The following SGCZ variants were observed in gnomAD, a reference collection of about 807,000 sequenced individuals.
SGCZ encodes sarcoglycan zeta, also known as zeta-sarcoglycan.
A neutral mutation model predicts 41.3 loss-of-function variants in SGCZ; 40 were observed. That is an observed-to-expected ratio of 0.97 (90% confidence interval 0.75 to 1.26). The LOEUF is 1.26. Among genes scored for constraint, SGCZ ranks in the 50% most tolerant of loss-of-function variants. The pLI is 0.00. For synonymous variants in SGCZ, 206 were observed against 137.5 expected, an observed-to-expected ratio of 1.50 and a Z score of -3.49; for missense variants, 552 against 369.8, an observed-to-expected ratio of 1.49 and a Z score of -4.04.
At chr8:14,494,413 T>A (rs573789259) in intron 2 of SGCZ, among the ~76,000 whole-genome samples, 3 of 152,274 alleles carry the variant, frequency 2.0e-5, no homozygotes, top group African/African-American at 7.2e-5. Flanking sequence ...CCAAAAGTTT[T>A]ATGATGAGAG....
At chr8:14,992,019 C>T (rs1384214992) in intron 1 of SGCZ, among the ~76,000 whole-genome samples, 2 of 151,108 alleles carry the variant, frequency 1.3e-5, no homozygotes, top group Non-Finnish European at 2.9e-5. Flanking sequence ...CCATCCTCCT[C>T]ATTCAATCTA....
chr8:14,557,066 C>T (rs756749419), intron 1 of SGCZ, among the ~76,000 whole-genome samples: 1 of 151,430 alleles, frequency 6.6e-6, no homozygotes, highest in Non-Finnish European at 1.5e-5. Context: ...TAGAAGTATT[C>T]CTTTTTCACT....
rs902453594 is a variant in SGCZ, at chr8:15,042,283, G to T, written c.39+195302C>A. On this transcript the variant is annotated intron_variant, in intron 1 of 7. Coordinates refer to ENST00000382080, the MANE Select transcript of SGCZ (RefSeq NM_139167.4). ...GAAAGCTAATGCCTAGCTGACGGCA[G>T]TTCCCTTTTGTGCTGATGCCTCTCT... 5.3e-5 allele frequency among the ~76,000 whole-genome samples: 8 copies of T among 152,120 alleles called. No homozygotes were observed. The South Asian group carries it at 1.0e-3, about 20-fold the overall frequency.
intron 1 of SGCZ, among the ~76,000 whole-genome samples, chr8:14,676,059 G>A (rs141197036): frequency 1.4e-4 from 22 of 152,318 alleles, no homozygotes; most frequent in African/African-American, 2.4e-4. Context: ...AAAACTAGCA[G>A]AGGAATGAAG....
intron 1 of SGCZ, among the ~76,000 whole-genome samples, chr8:14,686,504 G>C (rs1289913501): frequency 1.3e-5 from 2 of 152,004 alleles, no homozygotes; most frequent in Non-Finnish European, 2.9e-5. Context: ...AGTTGGAATT[G>C]ATAAATTGGT....
intron 2 of SGCZ, among the ~76,000 whole-genome samples, chr8:14,327,643 T>A (rs1239269246): frequency 6.6e-6 from 1 of 152,228 alleles, no homozygotes; most frequent in East Asian, 1.9e-4. Context: ...GCTATGTGCA[T>A]CTTTGATTTT....
At chr8:14,553,464 C>T (rs2117187773) in intron 2 of SGCZ, among the ~76,000 whole-genome samples, 1 of 152,052 alleles carries the variant, frequency 6.6e-6, no homozygotes, top group East Asian at 1.9e-4. Flanking sequence ...CTTTTCTTTG[C>T]CTTCAGTTTC....
chr8:14,576,626 T>G (rs966433356), intron 1 of SGCZ, among the ~76,000 whole-genome samples: 3 of 152,212 alleles, frequency 2.0e-5, no homozygotes, highest in African/African-American at 7.2e-5. Flanking sequence ...CTGGAGACAT[T>G]TGCTCAAAGC....
At chr8:14,182,678 AG>A (rs1380442207) in intron 4 of SGCZ, among the ~76,000 whole-genome samples, 2 of 152,214 alleles carry the variant, frequency 1.3e-5, no homozygotes, top group Admixed American at 1.3e-4. Context: ...TTGTTAGATC[AG>A]TGATGACAAA....
chr8:14,332,644 C>T (rs564878912), intron 2 of SGCZ: 43 of 151,748 alleles, frequency 2.8e-4, no homozygotes, highest in Middle Eastern at 3.4e-3. Flanking sequence ...CTTCTCACTA[C>T]GGTACTTGAA....
intron 1 of SGCZ, among the ~76,000 whole-genome samples, chr8:15,179,371 G>A (rs1333682573): frequency 6.6e-6 from 1 of 152,196 alleles, no homozygotes; most frequent in East Asian, 1.9e-4. Flanking sequence ...TGAGAATACA[G>A]ATTTTGTATT....
At chr8:15,164,295 G>A (rs1799591704) in intron 1 of SGCZ, among the ~76,000 whole-genome samples, 2 of 152,108 alleles carry the variant, frequency 1.3e-5, no homozygotes, top group South Asian at 2.1e-4. Context: ...GAATCCTGAG[G>A]GTGGGGGATA....
At chr8:14,163,953 A>T (rs1804128633) in intron 5 of SGCZ, among the ~76,000 whole-genome samples, 1 of 152,188 alleles carries the variant, frequency 6.6e-6, no homozygotes. Context: ...GTTGTGAATC[A>T]AGTAATTCAG....
At chr8:15,121,017 T>TA (rs1807457726) in intron 1 of SGCZ, among the ~76,000 whole-genome samples, 1 of 152,218 alleles carries the variant, frequency 6.6e-6, no homozygotes, top group Non-Finnish European at 1.5e-5. Context: ...ACACATTGGA[T>TA]AAGTGAGCCA....
intron 1 of SGCZ, among the ~76,000 whole-genome samples, chr8:14,753,694 G>T (rs1486485559): frequency 6.6e-6 from 1 of 152,186 alleles, no homozygotes; most frequent in Non-Finnish European, 1.5e-5. Flanking sequence ...TACAATTTTA[G>T]TGACTTTCTT....
chr8:14,847,185 A>AGAAGAAGAAGAAGAAGAAGAAGAG (rs1303419499), intron 1 of SGCZ, among the ~76,000 whole-genome samples: 1 of 148,390 alleles, frequency 6.7e-6, no homozygotes, highest in Non-Finnish European at 1.5e-5. Flanking sequence ...AAGAAGAAGA[A>AGAAGAAGAAGAAGAAGAAGAAGAG]GAGAAAAATA....
intron 3 of SGCZ, among the ~76,000 whole-genome samples, chr8:14,294,208 T>C (rs1160587143): frequency 6.6e-6 from 1 of 151,970 alleles, no homozygotes; most frequent in Non-Finnish European, 1.5e-5. Context: ...TTTTTAATGA[T>C]AATGTCATAA....
intron 1 of SGCZ, among the ~76,000 whole-genome samples, chr8:14,594,513 T>G (rs1805345990): frequency 6.6e-6 from 1 of 152,032 alleles, no homozygotes; most frequent in African/African-American, 2.4e-5. Flanking sequence ...CAAGAAAATA[T>G]AATTCCCGTG....
At chr8:15,123,773 G>A (rs1807571613) in intron 1 of SGCZ, among the ~76,000 whole-genome samples, 1 of 152,154 alleles carries the variant, frequency 6.6e-6, no homozygotes, top group Admixed American at 6.6e-5. Flanking sequence ...GAAACATAAT[G>A]CGATAAGCAT....
Sources: allele counts gnomAD v4.1 joint callset (sites outside exome capture counted in the v4.1 genomes callset), GRCh38; gene constraint gnomAD v4.1.1; transcripts MANE v1.5; gene names NCBI Gene and HGNC (gene_info 2026-07-23, HGNC 2026-07-21).